Variants in LRP1B observed in about 807,000 individuals in gnomAD.
LRP1B encodes the protein LDL receptor related protein 1B.
Under a neutral mutation model 556.6 loss-of-function variants are expected in LRP1B, and 217 were observed. That is an observed-to-expected ratio of 0.39 (90% confidence interval 0.35 to 0.44). The LOEUF (loss-of-function observed/expected upper bound fraction) is 0.44. Among genes scored for constraint, LRP1B ranks in the 20% least tolerant of loss-of-function variants. The pLI is 1.00. For synonymous variants in LRP1B, 2,047 were observed against 1,865.8 expected (o/e 1.10, Z -2.50); for missense variants, 5,053 against 5,620.8 (o/e 0.90, Z 3.23).
intron 11 of LRP1B, among the ~76,000 whole-genome samples, chr2:141,031,456 G>T (rs1285966152): frequency 2.0e-5 from 3 of 151,756 alleles, no homozygotes; most frequent in Non-Finnish European, 2.9e-5. Flanking sequence ...AAACAAGAAG[G>T]CCAATGATTA....
At chr2:140,861,687 T>C (rs1428076090) in intron 27 of LRP1B, among the ~76,000 whole-genome samples, 1 of 152,222 alleles carries the variant, frequency 6.6e-6, no homozygotes, top group Non-Finnish European at 1.5e-5. Flanking sequence ...AAAGTTATAC[T>C]AATAGCTAAT....
chr2:140,832,034 A>G (rs1407426653), intron 31 of LRP1B, among the ~76,000 whole-genome samples: 2 of 152,212 alleles, frequency 1.3e-5, no homozygotes, highest in Non-Finnish European at 2.9e-5. Flanking sequence ...GCTAGTGAGG[A>G]GGTACAGACA....
At chr2:141,935,956 C>T (rs748355031) in intron 1 of LRP1B, among the ~76,000 whole-genome samples, 23 of 152,172 alleles carry the variant, frequency 1.5e-4, no homozygotes, top group African/African-American at 5.3e-4. Flanking sequence ...CATTAACACA[C>T]TAAAAGAAAT....
chr2:140,784,154 T>C (rs1287135752), intron 32 of LRP1B, among the ~76,000 whole-genome samples: 1 of 152,122 alleles, frequency 6.6e-6, no homozygotes, highest in Non-Finnish European at 1.5e-5. Context: ...TTGGCCTATG[T>C]CACGAACATA....
chr2:140,582,187 A>G (rs1681794190), intron 43 of LRP1B, among the ~76,000 whole-genome samples: 1 of 152,192 alleles, frequency 6.6e-6, no homozygotes, highest in Non-Finnish European at 1.5e-5. Flanking sequence ...TGTTATGCCT[A>G]TAGTAGACTA....
chr2:140,493,142 C>T (rs1021257422), intron 56 of LRP1B, among the ~76,000 whole-genome samples: 22 of 152,144 alleles, frequency 1.4e-4, no homozygotes, highest in African/African-American at 4.6e-4. Flanking sequence ...AAGAGTATCA[C>T]TGCATATATA....
intron 11 of LRP1B, among the ~76,000 whole-genome samples, chr2:141,046,295 C>T (rs1051130957): frequency 4.6e-5 from 7 of 152,086 alleles, no homozygotes; most frequent in African/African-American, 1.7e-4. Context: ...AGCATTGCCT[C>T]GCAGTCTTCA....
At chr2:141,856,429 C>T (rs1489550699) in intron 1 of LRP1B, among the ~76,000 whole-genome samples, 1 of 152,012 alleles carries the variant, frequency 6.6e-6, no homozygotes, top group East Asian at 1.9e-4. Flanking sequence ...ATTTTTGCTT[C>T]CTCAGACATG....
At chr2:141,696,342 A>G (rs1691733507) in intron 2 of LRP1B, among the ~76,000 whole-genome samples, 2 of 152,002 alleles carry the variant, frequency 1.3e-5, no homozygotes, top group African/African-American at 4.8e-5. Flanking sequence ...GAAATCATCA[A>G]ATAATCATGC....
chr2:141,304,165 T>C (rs948077239), intron 3 of LRP1B, among the ~76,000 whole-genome samples: 2 of 152,154 alleles, frequency 1.3e-5, no homozygotes, highest in Non-Finnish European at 2.9e-5. Flanking sequence ...TGGATATTAG[T>C]CCCTTGTTGG....
chr2:141,283,609 A>G (rs1685589873), intron 3 of LRP1B, among the ~76,000 whole-genome samples: 1 of 149,324 alleles, frequency 6.7e-6, no homozygotes, highest in South Asian at 2.1e-4. Context: ...GCACAGACAA[A>G]GAGACCCACT....
chr2:140,595,108 A>C (rs751688660), intron 43 of LRP1B, among the ~76,000 whole-genome samples: 9,138 of 67,030 alleles, frequency 0.14, 590 homozygotes, highest in Non-Finnish European at 0.18. Flanking sequence ...ATATATATAT[A>C]TATATATATA....
intron 49 of LRP1B, among the ~76,000 whole-genome samples, chr2:140,520,308 A>C (rs1479062634): frequency 6.6e-6 from 1 of 152,144 alleles, no homozygotes; most frequent in Non-Finnish European, 1.5e-5. Context: ...CTTTGTAAGG[A>C]CATGGATGAA....
chr2:140,630,863 G>A (rs1274592259), intron 41 of LRP1B, among the ~76,000 whole-genome samples: 2 of 152,114 alleles, frequency 1.3e-5, no homozygotes, highest in Non-Finnish European at 2.9e-5. Context: ...GGGAAGCTGA[G>A]GAAAACTTGT....
intron 2 of LRP1B, among the ~76,000 whole-genome samples, chr2:141,794,145 C>A (rs555522229): frequency 6.6e-6 from 1 of 151,954 alleles, no homozygotes; most frequent in South Asian, 2.1e-4. Flanking sequence ...CTTTTCCCCC[C>A]ACATCTTGAA....
intron 41 of LRP1B, among the ~76,000 whole-genome samples, chr2:140,660,543 C>A (rs773985305): frequency 3.3e-5 from 5 of 152,096 alleles, no homozygotes; most frequent in Non-Finnish European, 7.4e-5. Flanking sequence ...CCAAAGAGCT[C>A]CTTTTCATAT....
chr2:141,635,528 C>T (rs145628897), intron 2 of LRP1B, among the ~76,000 whole-genome samples: 1 of 152,212 alleles, frequency 6.6e-6, no homozygotes, highest in African/African-American at 2.4e-5. Flanking sequence ...GCAAAATCTG[C>T]ATAATTCCAT....
At chr2:141,423,504 C>G (rs6717439) in intron 3 of LRP1B, among the ~76,000 whole-genome samples, 3,169 of 151,818 alleles carry the variant, frequency 0.021, 68 homozygotes, top group East Asian at 0.092. Context: ...CTCCTACCCA[C>G]CCCACAAAAT....
At chr2:140,737,912 T>A (rs994387825) in intron 35 of LRP1B, among the ~76,000 whole-genome samples, 2 of 152,192 alleles carry the variant, frequency 1.3e-5, no homozygotes, top group Non-Finnish European at 2.9e-5. Flanking sequence ...AGCAGATTAA[T>A]AAAGCCTCAG....
Sources: gnomAD v4.1 joint callset for allele counts (sites outside exome capture counted in the v4.1 genomes callset) on GRCh38, gnomAD v4.1.1 for gene constraint, MANE v1.5 for transcripts, NCBI Gene and HGNC (gene_info 2026-07-23, HGNC 2026-07-21) for gene names.